The following MYLK variants were observed in gnomAD, a reference collection of about 807,000 sequenced individuals.
The protein encoded by MYLK is myosin light chain kinase, smooth muscle.
MYLK carries 106 observed loss-of-function variants against 203.4 expected under a neutral mutation model. The observed-to-expected ratio is 0.52, with a 90% CI of 0.45 to 0.61. MYLK has a LOEUF of 0.61. Ranked by LOEUF, MYLK falls within the 20% of genes least tolerant of loss-of-function variation. The probability of loss-of-function intolerance (pLI) is 0.00; values close to 1 mark genes in which losing one functional copy is unlikely to be tolerated. For synonymous variants in MYLK, 867 were observed against 959.5 expected, an observed-to-expected ratio of 0.90 and a Z score of 1.78; for missense variants, 2,072 against 2,442.3, an observed-to-expected ratio of 0.85 and a Z score of 3.20.
At chr3:123,701,237 CAA>C (rs35577296) in intron 17 of MYLK, among the ~76,000 whole-genome samples, 199 bp downstream of exon 17, 6,472 of 116,182 alleles carry the variant, frequency 0.056, 892 homozygotes, top group East Asian at 0.54. Flanking sequence ...AGGGTGTGTG[CAA>C]AAAAAAAAAA....
At chr3:123,872,090 G>A (rs1380534249) in intron 2 of MYLK, among the ~76,000 whole-genome samples, 1 of 152,028 alleles carries the variant, frequency 6.6e-6, no homozygotes, top group Non-Finnish European at 1.5e-5. Flanking sequence ...CCTGCAGCCT[G>A]TTTTTGTAAA....
At chr3:123,759,710 T>C (rs2063474186) in intron 4 of MYLK, among the ~76,000 whole-genome samples, 1 of 152,234 alleles carries the variant, frequency 6.6e-6, no homozygotes, top group Non-Finnish European at 1.5e-5. Context: ...CTTTGAATAT[T>C]GAGAGACCAA....
At chr3:123,782,909 T>A (rs2064355960) in intron 4 of MYLK, among the ~76,000 whole-genome samples, 1 of 152,210 alleles carries the variant, frequency 6.6e-6, no homozygotes, top group South Asian at 2.1e-4. Context: ...TCTTCTAATT[T>A]TAGGTAGTGA....
At position 123,612,073 on chromosome 3, in the gene MYLK, G is replaced by A. The variant is rs1217256307; in HGVS notation, c.*2032C>T. The A allele has an allele frequency of 6.6e-6, 1 of 152,498 alleles. No individual in the cohort carries two copies. Among genetic ancestry groups the A allele is most frequent in the Non-Finnish European group, 1.5e-5 (1 of 68,058 alleles). The allele number at this position is 152,498 out of a possible 1,614,324, so 9.4% of individuals were successfully genotyped here. Reference sequence around the variant, plus strand: ...TATAAGATATCCTTCTAGAATGATTGATATAGTACTAAGCTGATGCTCAAG... The same window carrying A: ...TATAAGATATCCTTCTAGAATGATTAATATAGTACTAAGCTGATGCTCAAG... On this transcript the variant is annotated 3_prime_UTR_variant, in exon 34 of 34. Transcript: ENST00000360304.
chr3:123,778,287 G>A (rs544575530), intron 4 of MYLK, among the ~76,000 whole-genome samples: 2 of 152,026 alleles, frequency 1.3e-5, no homozygotes, highest in East Asian at 1.9e-4. Context: ...GGGATTCCTC[G>A]GGAGGGTGAT....
At chr3:123,680,709 G>A (rs1055367288) in intron 20 of MYLK, among the ~76,000 whole-genome samples, 2 of 152,148 alleles carry the variant, frequency 1.3e-5, no homozygotes, top group African/African-American at 4.8e-5. Context: ...TCATTAGGAA[G>A]GTAAGAATAA....
At chr3:123,842,536 C>T (rs2066619183) in intron 2 of MYLK, among the ~76,000 whole-genome samples, 1 of 152,166 alleles carries the variant, frequency 6.6e-6, no homozygotes, top group Non-Finnish European at 1.5e-5. Flanking sequence ...ATGCATTACT[C>T]TTTTCAAACA....
At chr3:123,673,484 C>T (rs1447296735) in intron 20 of MYLK, among the ~76,000 whole-genome samples, 1 of 152,070 alleles carries the variant, frequency 6.6e-6, no homozygotes, top group Admixed American at 6.6e-5. Context: ...CCCCAGAGGA[C>T]TTCTCTGTCC....
chr3:123,620,139 C>T (rs2057769427), intron 32 of MYLK, 68 bp downstream of exon 32: 2 of 1,392,080 alleles, frequency 1.4e-6, no homozygotes, highest in Non-Finnish European at 1.0e-6. Flanking sequence ...CCAACCAAAA[C>T]CTCAAAATGC....
intron 2 of MYLK, among the ~76,000 whole-genome samples, chr3:123,843,869 C>T (rs559295779): frequency 1.8e-4 from 28 of 152,240 alleles, no homozygotes; most frequent in Admixed American, 1.0e-3. Context: ...ACTATGGCAA[C>T]AAGGCTGGGA....
chr3:123,675,803 C>G (rs2108407885), intron 20 of MYLK, among the ~76,000 whole-genome samples: 1 of 152,254 alleles, frequency 6.6e-6, no homozygotes. Context: ...GTGGGGGTAC[C>G]TGAGGATGGA....
chr3:123,847,902 A>G lies in MYLK; in HGVS notation c.-126-16232T>C, dbSNP rs72972390. Reference sequence around the variant, plus strand: ...TTAAGTTATACTATCATTATTTTAAAAAGACAGCTTTTCCCCAGTTTCTAT... The same window carrying G: ...TTAAGTTATACTATCATTATTTTAAGAAGACAGCTTTTCCCCAGTTTCTAT... On this transcript the variant is annotated intron_variant, in intron 2 of 33. Coordinates refer to ENST00000360304, the MANE Select transcript of MYLK (RefSeq NM_053025.4). Among the ~76,000 whole-genome samples the G allele has an allele frequency of 5.9e-3, 901 of 152,152 alleles. 4 individuals carry two copies. Among genetic ancestry groups the G allele is most frequent in the African/African-American group, 0.019 (783 of 41,548 alleles).
At position 123,618,802 on chromosome 3, in the gene MYLK, CT is replaced by C. The variant is rs765078013; in HGVS notation, c.5369-33del. The C allele has an allele frequency of 1.1e-4, 179 of 1,613,450 alleles. No homozygotes were observed. In the South Asian group the frequency reaches 1.5e-3, roughly 13 times the overall value. On this transcript the variant is annotated intron_variant, in intron 32 of 33. Transcript: ENST00000360304. ...GACAGAGAAGAAGACCAGGTCATTT[CT>C]TCACTCGTTGTTCTCGCCTCGCCTC...
Position 123,620,339 on chromosome 3 carries a change from GGAA to G in MYLK, c.5239-6_5239-4del, listed in dbSNP as rs1460109487. The G allele has an allele frequency of 6.2e-7, 1 of 1,614,080 alleles. No homozygotes were observed. The highest frequency in any genetic ancestry group is 1.1e-5 in the South Asian group (1 of 91,068). On this transcript the variant is annotated splice_region_variant and splice_polypyrimidine_tract_variant and intron_variant, in intron 31 of 33. Coordinates refer to ENST00000360304, the MANE Select transcript of MYLK (RefSeq NM_053025.4). ...GCTCTCACAGCATTGCCCGTTTTCT[GGAA>G]AATAGACACGAGGGTTGGACTCAGG...
intron 4 of MYLK, among the ~76,000 whole-genome samples, chr3:123,779,099 C>A (rs2064189908): frequency 6.6e-6 from 1 of 152,186 alleles, no homozygotes; most frequent in African/African-American, 2.4e-5. Flanking sequence ...GGGGGACTGA[C>A]TGGCGCCAGT....
At position 123,642,489 on chromosome 3, in the gene MYLK, C is replaced by G. The variant is rs2058871082; in HGVS notation, c.4620-1985G>C. On this transcript the variant is annotated intron_variant, in intron 27 of 33. Coordinates refer to ENST00000360304, the MANE Select transcript of MYLK (RefSeq NM_053025.4). The surrounding 1 kb of genome is among the most constrained non-coding windows in gnomAD (Gnocchi z 4.2). Reference sequence around the variant, plus strand: ...CTCTGCCACGTGACACACACACTCACTTCTGGAAGGGCTGAACTGGAGAAG... The same window carrying G: ...CTCTGCCACGTGACACACACACTCAGTTCTGGAAGGGCTGAACTGGAGAAG... Among the ~76,000 whole-genome samples, 1 of 152,208 alleles carries G rather than the reference C, an allele frequency of 6.6e-6. No individual in the cohort carries two copies. The highest frequency in any genetic ancestry group is 1.5e-5 in the Non-Finnish European group (1 of 68,040).
rs60774306 is a variant in MYLK at position 123,748,640 on chromosome 3, T to C, written c.373+3691A>G. On this transcript the variant is annotated intron_variant, in intron 5 of 33. Coordinates refer to ENST00000360304, the MANE Select transcript of MYLK (RefSeq NM_053025.4). ...TTTTTATATCGCTTATACATTGAAA[T>C]GGTAATATTTTGGATATAATAGGTT... Among the ~76,000 whole-genome samples the C allele has an allele frequency of 4.7e-3, 711 of 152,318 alleles. 4 individuals are homozygous for C. The highest frequency in any genetic ancestry group is 0.017 in the African/African-American group (687 of 41,564).
chr3:123,767,588 C>T (rs948045908), intron 4 of MYLK, among the ~76,000 whole-genome samples: 4 of 152,338 alleles, frequency 2.6e-5, no homozygotes, highest in Admixed American at 1.3e-4. Flanking sequence ...GCCTGGGTGA[C>T]AGGGTGAGAC....
At chr3:123,639,368 C>G (rs72968591) in intron 28 of MYLK, among the ~76,000 whole-genome samples, 13,351 of 152,260 alleles carry the variant, frequency 0.088, 1,824 homozygotes, top group African/African-American at 0.3. Flanking sequence ...ACAGCCTCAG[C>G]CAGCACTGAA....
Sources: gnomAD v4.1 joint callset for allele counts (sites outside exome capture counted in the v4.1 genomes callset) on GRCh38, gnomAD v4.1.1 for gene constraint, Gnocchi (gnomAD v3.1) non-coding constraint, MANE v1.5 for transcripts, NCBI Gene and HGNC (gene_info 2026-07-23, HGNC 2026-07-21) for gene names.